The following BBOF1 variants were observed in gnomAD, a reference collection of about 807,000 sequenced individuals.
BBOF1 encodes basal body-orientation factor 1.
Under a neutral mutation model 68.0 loss-of-function variants are expected in BBOF1, and 62 were observed. The observed-to-expected ratio is 0.91, with a 90% CI of 0.74 to 1.13. BBOF1 has a LOEUF of 1.13. Among genes scored for constraint, BBOF1 ranks in the 50% most tolerant of loss-of-function variants. BBOF1 has a pLI of 0.00. For synonymous variants in BBOF1, 208 were observed against 198.8 expected (o/e 1.05, Z -0.39); for missense variants, 534 against 600.1 (o/e 0.89, Z 1.15).
At chr14:74,035,494 G>A (rs1402739755) in intron 4 of BBOF1, among the ~76,000 whole-genome samples, 1 of 141,608 alleles carries the variant, frequency 7.1e-6, no homozygotes, top group East Asian at 2.1e-4. Context: ...TCAGCTCACT[G>A]CAACCTCTGC....
chr14:74,065,376 C>A lies in BBOF1; in HGVS notation c.*677C>A. 6.2e-7 allele frequency: 1 copy of A among 1,613,132 alleles called. No individual in the cohort carries two copies. The highest frequency in any genetic ancestry group is 1.1e-5 in the South Asian group (1 of 91,008). On this transcript the variant is annotated 3_prime_UTR_variant, in exon 12 of 12. Coordinates refer to ENST00000394009, the MANE Select transcript of BBOF1 (RefSeq NM_025057.3). ...TCATATTTGGCTGCCAGGAGTGATG[C>A]ATCCAGAAAAGAAGTCAGCTTTTTG...
chr14:74,059,194 C>T, intron 11 of BBOF1: 1 of 210,980 alleles, frequency 4.7e-6, no homozygotes, highest in Admixed American at 5.9e-5. Flanking sequence ...TTCGAAATTT[C>T]TTAGGCCCAG....
intron 9 of BBOF1, chr14:74,071,623 G>A (rs1289091226): frequency 2.0e-5 from 32 of 1,572,550 alleles, no homozygotes; most frequent in Non-Finnish European, 2.7e-5. Context: ...ACACTGACTT[G>A]CCCTTCCAAG....
At chr14:74,075,871 T>A (rs889591202) in intron 9 of BBOF1, among the ~76,000 whole-genome samples, 3 of 152,184 alleles carry the variant, frequency 2.0e-5, no homozygotes, top group Admixed American at 6.6e-5. Context: ...TAATGTGGTA[T>A]ATTCATACAC....
intron 8 of BBOF1, among the ~76,000 whole-genome samples, chr14:74,052,708 G>A (rs1010035977): frequency 1.3e-5 from 2 of 150,960 alleles, no homozygotes; most frequent in Non-Finnish European, 3.0e-5. Context: ...TGAAGTATAT[G>A]GTAATCGGCT....
At position 74,046,593 on chromosome 14, in the gene BBOF1, G is replaced by A. The variant is rs1343418194; in HGVS notation, c.647+463G>A. Among the ~76,000 whole-genome samples, 10 of 152,090 alleles carry A rather than the reference G, an allele frequency of 6.6e-5. No homozygotes were observed. The East Asian group carries it at 1.4e-3, about 21-fold the overall frequency. On this transcript the variant is annotated intron_variant, in intron 6 of 11. Transcript: ENST00000394009. ...TCGCCATGTTGGCCGGGCTGATCTC[G>A]AACTCCTGACCTCAAGTTATCCACC...
intron 4 of BBOF1, among the ~76,000 whole-genome samples, chr14:74,034,854 C>T (rs1216533088): frequency 6.6e-6 from 1 of 152,046 alleles, no homozygotes; most frequent in Non-Finnish European, 1.5e-5. Flanking sequence ...ATTTTGGAGG[C>T]CAAGGCAGGA....
intron 4 of BBOF1, among the ~76,000 whole-genome samples, chr14:74,035,753 C>A (rs1038267876): frequency 4.0e-5 from 6 of 151,814 alleles, no homozygotes; most frequent in African/African-American, 1.4e-4. Context: ...CTTTTATAAG[C>A]TGCTTGAGTG....
downstream of BBOF1, chr14:74,067,475 C>T (rs369485559): frequency 5.0e-6 from 8 of 1,614,214 alleles, no homozygotes; most frequent in East Asian, 2.2e-5. Context: ...AGCCATGCAG[C>T]GCTGACCAGC....
Position 74,071,103 on chromosome 14 carries a change from G to A in BBOF1, n.1380-7093G>A, listed in dbSNP as rs552824419. 7.4e-6 allele frequency: 9 copies of A among 1,212,136 alleles called. No individual in the cohort carries two copies. In the South Asian group the frequency reaches 1.1e-4, roughly 15 times the overall value. The allele number at this position is 1,212,136 out of a possible 1,614,324, so 75.1% of individuals were successfully genotyped here. On this transcript the variant is annotated intron_variant and non_coding_transcript_variant, in intron 9 of 12. Transcript: ENST00000492026. ...TGAGTAAATCCTTTCCTCCTTACAA[G>A]TAGGTTCCTTATCCTAAAACATCCA...
chr14:74,021,208 G>GA (rs1180999702), intron 1 of BBOF1, among the ~76,000 whole-genome samples: 1 of 152,020 alleles, frequency 6.6e-6, no homozygotes, highest in Non-Finnish European at 1.5e-5. Flanking sequence ...TAAATATTTA[G>GA]AAAAATCTCT....
rs961991204 is a variant in BBOF1, at chr14:74,048,173, T to A, written c.792+99T>A. ...GTATAATAATGATATATAAGGACAA[T>A]GAGACCATTTTCATCTGTCTGGATG... On this transcript the variant is annotated intron_variant, in intron 7 of 11. Transcript: ENST00000394009. The A allele has an allele frequency of 1.7e-5, 19 of 1,137,722 alleles. No individual in the cohort carries two copies. The Admixed American group carries it at 5.1e-4, about 30-fold the overall frequency. The allele number at this position is 1,137,722 out of a possible 1,614,324, so 70.5% of individuals were successfully genotyped here. A position where few individuals can be genotyped will look rare whatever the true frequency, so the allele number is the denominator to read the frequency against.
chr14:74,078,674 T>C (rs1419169318), intron 10 of BBOF1, among the ~76,000 whole-genome samples: 1 of 152,066 alleles, frequency 6.6e-6, no homozygotes, highest in African/African-American at 2.4e-5. Flanking sequence ...ATTACAGGCA[T>C]GTGCCACCAC....
intron 4 of BBOF1, among the ~76,000 whole-genome samples, chr14:74,036,727 A>G (rs1196953944): frequency 6.7e-6 from 1 of 149,872 alleles, no homozygotes; most frequent in Admixed American, 6.6e-5. Flanking sequence ...CCTCCACTGT[A>G]AACAGAATAT....
At chr14:74,043,555 T>C (rs1238864415) in intron 5 of BBOF1, among the ~76,000 whole-genome samples, 1 of 45,784 alleles carries the variant, frequency 2.2e-5, no homozygotes, top group Non-Finnish European at 3.6e-5. Context: ...AGACTCCGTC[T>C]CAAAAAAAAA....
rs150010851 is a variant in BBOF1, at chr14:74,055,220, C to G, written c.1287-364C>G. 9.4e-3 allele frequency: 1,940 copies of G among 206,192 alleles called. 17 individuals carry two copies. The highest frequency in any genetic ancestry group is 0.022 in the African/African-American group (915 of 41,792). 12.8% of individuals were successfully genotyped at this position (206,192 alleles called of 1,614,324 possible). A position where few individuals can be genotyped will look rare whatever the true frequency, so the allele number is the denominator to read the frequency against. ...CTGGAGCACAGTGGCGCGATCTCAG[C>G]TTACTGCAGCCTCCGCCTCCTGGGT... is the stretch of plus-strand genomic sequence containing the variant. On this transcript the variant is annotated intron_variant, in intron 8 of 11. Coordinates refer to ENST00000394009, the MANE Select transcript of BBOF1 (RefSeq NM_025057.3).
At chr14:74,034,413 G>A (rs2059649439) in intron 4 of BBOF1, among the ~76,000 whole-genome samples, 1 of 152,148 alleles carries the variant, frequency 6.6e-6, no homozygotes, top group African/African-American at 2.4e-5. Context: ...ATCCTCCTAT[G>A]TTTATCAGCA....
At chr14:74,063,771 C>T (rs1488483050) in intron 11 of BBOF1, among the ~76,000 whole-genome samples, 1 of 150,238 alleles carries the variant, frequency 6.7e-6, no homozygotes, top group East Asian at 2.0e-4. Flanking sequence ...GAGGCTGAGG[C>T]AGGAGAATTG....
intron 9 of BBOF1, chr14:74,075,110 T>C: frequency 8.9e-7 from 1 of 1,118,410 alleles, no homozygotes; most frequent in Middle Eastern, 2.0e-4. Flanking sequence ...TGCTATAGTA[T>C]ATAGGGGGTA....
Sources: allele counts gnomAD v4.1 joint callset (sites outside exome capture counted in the v4.1 genomes callset), GRCh38; gene constraint gnomAD v4.1.1; transcripts MANE v1.5; gene names NCBI Gene and HGNC (gene_info 2026-07-23, HGNC 2026-07-21).